The following BICC1 variants were observed in gnomAD, a reference collection of about 807,000 sequenced individuals.
BICC1 encodes the protein BicC family RNA binding protein 1.
Under a neutral mutation model 111.0 loss-of-function variants are expected in BICC1, and 43 were observed. The ratio of observed to expected loss-of-function variants is 0.39; its 90% CI spans 0.30 to 0.50. The LOEUF (loss-of-function observed/expected upper bound fraction) is 0.50. Ranked by LOEUF, BICC1 falls within the 20% of genes least tolerant of loss-of-function variation. The pLI is 0.88. For missense variants in BICC1, 1,091 were observed against 1,203.2 expected, an observed-to-expected ratio of 0.91 and a Z score of 1.38; for synonymous variants, 467 against 434.4, an observed-to-expected ratio of 1.07 and a Z score of -0.93.
intron 3 of BICC1, among the ~76,000 whole-genome samples, chr10:58,759,215 C>T (rs1303533094): frequency 6.6e-6 from 1 of 151,982 alleles, no homozygotes; most frequent in Non-Finnish European, 1.5e-5. Flanking sequence ...CCACCTCAGC[C>T]TCCCAAAGTG....
intron 8 of BICC1, among the ~76,000 whole-genome samples, chr10:58,792,919 G>A (rs1383551646): frequency 6.6e-6 from 1 of 152,026 alleles, no homozygotes. Flanking sequence ...AAAGGTTGGG[G>A]ACCCCTGAGT....
At chr10:58,664,379 GC>G (rs2132300624) in intron 2 of BICC1, among the ~76,000 whole-genome samples, 1 of 152,176 alleles carries the variant, frequency 6.6e-6, no homozygotes, top group African/African-American at 2.4e-5. Context: ...TTGAGATTTT[GC>G]TAATTTTTTA....
At chr10:58,628,330 C>G (rs1474715830) in intron 2 of BICC1, among the ~76,000 whole-genome samples, 1 of 152,074 alleles carries the variant, frequency 6.6e-6, no homozygotes, top group East Asian at 1.9e-4. Context: ...TCAGACTTCC[C>G]ATCATACTGA....
At chr10:58,782,784 T>A (rs1842915319) in intron 3 of BICC1, among the ~76,000 whole-genome samples, 1 of 152,154 alleles carries the variant, frequency 6.6e-6, no homozygotes, top group Non-Finnish European at 1.5e-5. Flanking sequence ...ACCTGGAAGG[T>A]TCCAGCTCAG....
intron 3 of BICC1, among the ~76,000 whole-genome samples, chr10:58,741,016 T>C (rs1841644998): frequency 6.6e-6 from 1 of 152,144 alleles, no homozygotes; most frequent in African/African-American, 2.4e-5. Flanking sequence ...TGGTTTCAAA[T>C]GGTGAGGAGC....
chr10:58,551,647 C>A (rs2131916225), intron 1 of BICC1, among the ~76,000 whole-genome samples: 1 of 152,264 alleles, frequency 6.6e-6, no homozygotes, highest in East Asian at 1.9e-4. Context: ...CCTAATTCCA[C>A]ACCTCTCCTT....
At chr10:58,527,466 T>G (rs1345078071) in intron 1 of BICC1, among the ~76,000 whole-genome samples, 2 of 151,506 alleles carry the variant, frequency 1.3e-5, no homozygotes, top group Non-Finnish European at 2.9e-5. Flanking sequence ...TTGCCATTGC[T>G]TTTTGTGTTT....
At chr10:58,745,054 A>G (rs1841789820) in intron 3 of BICC1, among the ~76,000 whole-genome samples, 1 of 152,140 alleles carries the variant, frequency 6.6e-6, no homozygotes, top group African/African-American at 2.4e-5. Flanking sequence ...CTACATTCAC[A>G]TTCTTGATTA....
chr10:58,755,613 T>A (rs1842122312), intron 3 of BICC1, among the ~76,000 whole-genome samples: 1 of 152,188 alleles, frequency 6.6e-6, no homozygotes, highest in South Asian at 2.1e-4. Flanking sequence ...AATGGACACA[T>A]GAAGAAACAC....
chr10:58,517,904 A>G (rs1842284245), intron 1 of BICC1, among the ~76,000 whole-genome samples: 1 of 152,226 alleles, frequency 6.6e-6, no homozygotes, highest in African/African-American at 2.4e-5. Context: ...GCACTTTCTT[A>G]TATTGATCAT....
chr10:58,686,645 A>C (rs1839737645), intron 2 of BICC1, among the ~76,000 whole-genome samples: 1 of 151,572 alleles, frequency 6.6e-6, no homozygotes. Context: ...ACCCTTTCTT[A>C]CCCTTGATCA....
chr10:58,599,488 T>C (rs1382883185), intron 1 of BICC1, among the ~76,000 whole-genome samples: 1 of 152,040 alleles, frequency 6.6e-6, no homozygotes, highest in African/African-American at 2.4e-5. Context: ...CATCACACAC[T>C]GCGGCTTGTC....
At chr10:58,525,992 T>TG (rs1842530319) in intron 1 of BICC1, among the ~76,000 whole-genome samples, 1 of 46,340 alleles carries the variant, frequency 2.2e-5, no homozygotes, top group South Asian at 7.0e-4. Flanking sequence ...ATTACATGGC[T>TG]TTTTTTTCTT....
At chr10:58,775,342 C>T (rs1435848570) in intron 3 of BICC1, among the ~76,000 whole-genome samples, 1 of 151,630 alleles carries the variant, frequency 6.6e-6, no homozygotes, top group African/African-American at 2.4e-5. Flanking sequence ...CCACTGCACT[C>T]CAGCCTGGGT....
intron 1 of BICC1, among the ~76,000 whole-genome samples, chr10:58,522,200 A>G (rs1053602202): frequency 6.6e-5 from 10 of 151,952 alleles, no homozygotes; most frequent in Non-Finnish European, 5.9e-5. Context: ...CTCACAATGC[A>G]TTTGGTTTTC....
At chr10:58,745,599 A>ACCCCCCCC (rs1564589090) in intron 3 of BICC1, among the ~76,000 whole-genome samples, 8 of 41,682 alleles carry the variant, frequency 1.9e-4, no homozygotes, top group Non-Finnish European at 2.8e-4. Context: ...AGAGCCCCCC[A>ACCCCCCCC]CCGCCCCCCC....
chr10:58,640,782 C>G (rs1242406382), intron 2 of BICC1, among the ~76,000 whole-genome samples: 1 of 152,128 alleles, frequency 6.6e-6, no homozygotes, highest in Non-Finnish European at 1.5e-5. Flanking sequence ...AGAATAATTA[C>G]TGATTATAAT....
intron 1 of BICC1, among the ~76,000 whole-genome samples, chr10:58,610,799 T>A (rs988841835): frequency 1.3e-5 from 2 of 152,176 alleles, no homozygotes; most frequent in African/African-American, 2.4e-5. Context: ...GGTGTCTATT[T>A]CTGTCTTCTT....
chr10:58,809,415 T>G (rs1054190623), intron 17 of BICC1, among the ~76,000 whole-genome samples: 3 of 152,124 alleles, frequency 2.0e-5, no homozygotes, highest in Non-Finnish European at 4.4e-5. Context: ...AGTCTTTGTA[T>G]TTTTGGTAGA....
Sources: gnomAD v4.1 joint callset for allele counts (sites outside exome capture counted in the v4.1 genomes callset) on GRCh38, gnomAD v4.1.1 for gene constraint, MANE v1.5 for transcripts, NCBI Gene and HGNC (gene_info 2026-07-23, HGNC 2026-07-21) for gene names.